Variants in ARHGAP39 observed in about 807,000 individuals in gnomAD.
ARHGAP39 encodes the protein Rho GTPase activating protein 39.
A neutral mutation model predicts 106.9 loss-of-function variants in ARHGAP39; 44 were observed. The ratio of observed to expected loss-of-function variants is 0.41; its 90% CI spans 0.32 to 0.53. ARHGAP39 has a LOEUF of 0.53. ARHGAP39 is among the 20% of genes least tolerant of loss of function. ARHGAP39 has a pLI of 0.21. For synonymous variants in ARHGAP39, 768 were observed against 693.2 expected (o/e 1.11, Z -1.69); for missense variants, 1,496 against 1,577.3 (o/e 0.95, Z 0.87).
At chr8:144,576,806 C>T (rs1216256902) in intron 3 of ARHGAP39, among the ~76,000 whole-genome samples, 3 of 152,130 alleles carry the variant, frequency 2.0e-5, no homozygotes, top group African/African-American at 4.8e-5. Context: ...CAAGTCCGCT[C>T]GTCCGCTTGT....
rs1032199189 is a variant in ARHGAP39 at position 144,629,447 on chromosome 8, T to C, written c.-81-23752A>G. 5.9e-5 allele frequency among the ~76,000 whole-genome samples: 9 copies of C among 152,134 alleles called. No homozygotes were observed. In the South Asian group the frequency reaches 1.9e-3, roughly 32 times the overall value. On this transcript the variant is annotated intron_variant, in intron 1 of 11. Coordinates refer to ENST00000377307, the MANE Select transcript of ARHGAP39 (RefSeq NM_025251.3). ...GCTTGGCTGCATGGGCCCTGGCAGA[T>C]GTTAGAGCTGCAGCAGGCTGGGGAA...
At chr8:144,667,388 AC>A (rs1821990853) in intron 1 of ARHGAP39, among the ~76,000 whole-genome samples, 1 of 146,780 alleles carries the variant, frequency 6.8e-6, no homozygotes, top group African/African-American at 2.5e-5. Context: ...ACCTGACCCC[AC>A]CCCCTTCCCA....
In ARHGAP39 at chr8:144,679,938, C is replaced by T. The variant is rs1048007797; in HGVS notation, c.-82+5748G>A. On this transcript the variant is annotated intron_variant, in intron 1 of 11. Coordinates refer to ENST00000377307, the MANE Select transcript of ARHGAP39 (RefSeq NM_025251.3). This position sits in a 1 kb window ranked among gnomAD's most constrained non-coding sequence, Gnocchi z 4.7. ...GAGCTTGCAGTGAGTCGAGATCGCGCCGCCGCACTCCAGCCTGGACGACAG... is the reference window on the plus strand; with the variant it reads ...GAGCTTGCAGTGAGTCGAGATCGCGTCGCCGCACTCCAGCCTGGACGACAG... Among the ~76,000 whole-genome samples the T allele has an allele frequency of 1.3e-5, 2 of 152,184 alleles. No individual in the cohort carries two copies. The highest frequency in any genetic ancestry group is 2.9e-5 in the Non-Finnish European group (2 of 68,034).
intron 1 of ARHGAP39, among the ~76,000 whole-genome samples, chr8:144,626,770 G>A (rs569401985): frequency 6.6e-6 from 1 of 152,360 alleles, no homozygotes; most frequent in East Asian, 1.9e-4. Flanking sequence ...CCGCGGCTCT[G>A]CTGGGCAGCT....
intron 1 of ARHGAP39, among the ~76,000 whole-genome samples, chr8:144,615,485 A>C (rs551281944): frequency 1.3e-5 from 2 of 152,078 alleles, no homozygotes; most frequent in African/African-American, 4.8e-5. Context: ...CATTCTTGTT[A>C]AACAAAAACC....
At position 144,605,604 on chromosome 8, in the gene ARHGAP39, G is replaced by C. The variant is rs150289481; in HGVS notation, c.11C>G (p.Thr4Arg). The C allele has an allele frequency of 2.7e-5, 44 of 1,613,284 alleles. No individual in the cohort carries two copies. Among genetic ancestry groups the C allele is most frequent in the Non-Finnish European group, 3.6e-5 (42 of 1,180,030 alleles). The change falls in exon 2 of 12, where the codon ACG becomes AGG. Residue 4 changes from threonine (T) to arginine (R), a missense_variant. Physicochemically the swap from Thr to Arg is moderately conservative, Grantham distance 71. Coordinates refer to ENST00000377307, the MANE Select transcript of ARHGAP39 (RefSeq NM_025251.3). MSQ[T>R]QDYECRSHNV... ...ATGGCTCCTGCACTCGTAGTCCTGCGTCTGGGACATCGCTGTTTGCTTCCG... is the reference window on the plus strand; with the variant it reads ...ATGGCTCCTGCACTCGTAGTCCTGCCTCTGGGACATCGCTGTTTGCTTCCG...
Position 144,548,414 on chromosome 8 carries a change from G to A in ARHGAP39, c.672C>T (p.Phe224=). 1 of 1,610,830 alleles carries A rather than the reference G, an allele frequency of 6.2e-7. No individual in the cohort carries two copies. Among genetic ancestry groups the A allele is most frequent in the East Asian group, 2.2e-5 (1 of 44,854 alleles). Residue 224 remains phenylalanine, a synonymous_variant, in exon 5 of 12, where the codon TTC becomes TTT. Coordinates refer to ENST00000377307, the MANE Select transcript of ARHGAP39 (RefSeq NM_025251.3). This position sits in a 1 kb window ranked among gnomAD's most constrained non-coding sequence, Gnocchi z 7.4. ...LIKVADREPS[F]LAAQGNGYAP... ...CGTAGCCATTGCCCTGGGCGGCGAGGAAGCTGGGCTCCCGATCAGCGACCT... is the reference window on the plus strand; with the variant it reads ...CGTAGCCATTGCCCTGGGCGGCGAGAAAGCTGGGCTCCCGATCAGCGACCT...
At chr8:144,685,235 C>A (rs1822553044) in intron 1 of ARHGAP39, among the ~76,000 whole-genome samples, 1 of 151,348 alleles carries the variant, frequency 6.6e-6, no homozygotes, top group African/African-American at 2.4e-5. Flanking sequence ...CACTCATACC[C>A]ACCGTGGACA....
intron 2 of ARHGAP39, among the ~76,000 whole-genome samples, chr8:144,587,380 C>T (rs1326123108): frequency 1.3e-5 from 2 of 152,156 alleles, no homozygotes; most frequent in African/African-American, 4.8e-5. Context: ...CTGTGACTGG[C>T]ATTCACGACA....
At position 144,646,095 on chromosome 8, in the gene ARHGAP39, C is replaced by A. The variant is rs953111726; in HGVS notation, c.-82+39591G>T. On this transcript the variant is annotated intron_variant, in intron 1 of 11. Transcript: ENST00000377307. This position sits in a 1 kb window ranked among gnomAD's most constrained non-coding sequence, Gnocchi z 5.7. ...CCCGGAGCTGCACTGGTCACCCCTCCCCACCGGTGGCACCAAATGTCCGCC... is the reference window on the plus strand; with the variant it reads ...CCCGGAGCTGCACTGGTCACCCCTCACCACCGGTGGCACCAAATGTCCGCC... Among the ~76,000 whole-genome samples, 2 of 152,218 alleles carry A rather than the reference C, an allele frequency of 1.3e-5. No homozygotes were observed. Among genetic ancestry groups the A allele is most frequent in the Non-Finnish European group, 2.9e-5 (2 of 68,038 alleles).
intron 1 of ARHGAP39, among the ~76,000 whole-genome samples, chr8:144,681,350 GGAGTCTGCTCCACAGGCTGAACACCA>G (rs1230353149): frequency 6.6e-6 from 1 of 152,154 alleles, no homozygotes; most frequent in African/African-American, 2.4e-5. Context: ...GCTCTGCGAG[GGAGTCTGCTCCACAGGCTGAACACCA>G]GAGTCTACTC....
rs1817562633 is a variant in ARHGAP39 at position 144,548,388 on chromosome 8, G to A, written c.698C>T (p.Ala233Val). 6.2e-7 allele frequency: 1 copy of A among 1,610,530 alleles called. No individual in the cohort carries two copies. Among genetic ancestry groups the A allele is most frequent in the Non-Finnish European group, 8.5e-7 (1 of 1,179,190 alleles). ...SFLAAQGNGY[A>V]PDGPPGVRSR... ...GCGGACCCCAGGTGGGCCGTCTGGG[G>A]CGTAGCCATTGCCCTGGGCGGCGAG... Residue 233 changes from alanine to valine, a missense_variant, in exon 5 of 12, where the codon GCC becomes GTC. Around this residue, in one of 4 missense-constraint regions of ARHGAP39, gnomAD observed 905 missense variants for 816.4 expected, o/e 1.11. Transcript: ENST00000377307. The surrounding 1 kb of genome is among the most constrained non-coding windows in gnomAD (Gnocchi z 7.4).
intron 1 of ARHGAP39, among the ~76,000 whole-genome samples, chr8:144,664,168 C>T (rs115917099): frequency 0.012 from 1,884 of 151,588 alleles, 39 homozygotes; most frequent in African/African-American, 0.044. Flanking sequence ...CTCTGTCCCC[C>T]CAAAAAAAAG....
At chr8:144,536,090 C>T (rs1055636919) in intron 7 of ARHGAP39, among the ~76,000 whole-genome samples, 2 of 152,298 alleles carry the variant, frequency 1.3e-5, no homozygotes, top group East Asian at 3.9e-4. Flanking sequence ...CAGTGCCCAT[C>T]GCCAGCCCAG....
rs1272539424 is a variant in ARHGAP39 at position 144,548,432 on chromosome 8, A to G, written c.654T>C (p.Ala218=). 4.3e-6 allele frequency: 7 copies of G among 1,610,888 alleles called. No individual in the cohort carries two copies. The highest frequency in any genetic ancestry group is 5.9e-6 in the Non-Finnish European group (7 of 1,179,648). ...CGGCGAGGAAGCTGGGCTCCCGATC[A>G]GCGACCTTGATGAGCATGCGCTCTT... The part of the protein sequence containing the change: ...GAKERMLIKV[A]DREPSFLAAQ... Residue 218 remains alanine, a synonymous_variant, in exon 5 of 12, where the codon GCT becomes GCC. Transcript: ENST00000377307. This position sits in a 1 kb window ranked among gnomAD's most constrained non-coding sequence, Gnocchi z 7.4.
chr8:144,628,271 A>G (rs1820974953), intron 1 of ARHGAP39, among the ~76,000 whole-genome samples: 1 of 152,086 alleles, frequency 6.6e-6, no homozygotes, highest in East Asian at 1.9e-4. Context: ...CTTTGAGCAT[A>G]GCATGGTGTG....
chr8:144,639,359 A>G (rs1204729012), intron 1 of ARHGAP39, among the ~76,000 whole-genome samples: 1 of 151,652 alleles, frequency 6.6e-6, no homozygotes, highest in Non-Finnish European at 1.5e-5. Context: ...AGAAAGAAAG[A>G]AAGAAAAGAA....
Position 144,586,961 on chromosome 8 carries a change from G to A in ARHGAP39, c.81-5684C>T, listed in dbSNP as rs1411491888. ...AGTGTAGTGGGAGGGAACAAGTGGA[G>A]GTAACTGAATCATGGGGGTGGCCTC... On this transcript the variant is annotated intron_variant, in intron 2 of 11. Coordinates refer to ENST00000377307, the MANE Select transcript of ARHGAP39 (RefSeq NM_025251.3). The surrounding 1 kb of genome is among the most constrained non-coding windows in gnomAD (Gnocchi z 4.2). Among the ~76,000 whole-genome samples the A allele has an allele frequency of 1.3e-5, 2 of 152,184 alleles. No individual in the cohort carries two copies. The highest frequency in any genetic ancestry group is 2.9e-5 in the Non-Finnish European group (2 of 68,028).
At chr8:144,536,095 GC>G (rs1816942229) in intron 7 of ARHGAP39, among the ~76,000 whole-genome samples, 1 of 152,170 alleles carries the variant, frequency 6.6e-6, no homozygotes, top group Non-Finnish European at 1.5e-5. Context: ...CCCATCGCCA[GC>G]CCAGGGAGAC....
Sources: gnomAD v4.1 joint callset for allele counts (sites outside exome capture counted in the v4.1 genomes callset) on GRCh38, gnomAD v4.1.1 for gene constraint, gnomAD v4.1.1 regional missense constraint, Gnocchi (gnomAD v3.1) non-coding constraint, MANE v1.5 for transcripts, NCBI Gene and HGNC (gene_info 2026-07-23, HGNC 2026-07-21) for gene names.